Variants in RTN4 observed in about 807,000 individuals in gnomAD.
RTN4 encodes the protein reticulon 4, also known as reticulon-4.
In RTN4, 32 loss-of-function variants were observed where a neutral mutation model predicts 90.4. The observed-to-expected ratio is 0.35, with a 90% CI of 0.27 to 0.48. The LOEUF (loss-of-function observed/expected upper bound fraction) is 0.48. Among genes scored for constraint, RTN4 ranks in the 20% least tolerant of loss-of-function variants. The pLI, the probability that RTN4 is intolerant of heterozygous loss-of-function variation, is 0.99. For missense variants in RTN4, 1,706 were observed against 1,430.2 expected (o/e 1.19, Z -3.11); for synonymous variants, 629 against 552.5 (o/e 1.14, Z -1.94).
At chr2:55,035,699 T>C (rs1168658701) in intron 1 of RTN4, among the ~76,000 whole-genome samples, 1 of 151,194 alleles carries the variant, frequency 6.6e-6, no homozygotes, top group Non-Finnish European at 1.5e-5. Context: ...ACTAAAATGA[T>C]CAAGACAGAG....
intron 1 of RTN4, among the ~76,000 whole-genome samples, chr2:55,099,654 C>T (rs1261162827): frequency 6.6e-6 from 1 of 151,998 alleles, no homozygotes; most frequent in Non-Finnish European, 1.5e-5. Context: ...ATACTAGTGG[C>T]TAAAAGTGCA....
At chr2:55,068,560 A>G (rs1668433651) in intron 2 of RTN4, among the ~76,000 whole-genome samples, 1 of 151,678 alleles carries the variant, frequency 6.6e-6, no homozygotes, top group Non-Finnish European at 1.5e-5. Flanking sequence ...TTTCCTCAAA[A>G]TGACAGGTTT....
intron 3 of RTN4, among the ~76,000 whole-genome samples, chr2:55,019,733 G>T (rs1305765435): frequency 6.6e-6 from 1 of 152,104 alleles, no homozygotes; most frequent in African/African-American, 2.4e-5. Context: ...GAGCAATTGA[G>T]CAAGAGAGAA....
chr2:55,049,160 G>C (rs1233048633), intron 1 of RTN4: 33 of 986,172 alleles, frequency 3.3e-5, no homozygotes, highest in Non-Finnish European at 3.7e-5. Flanking sequence ...CAATGTGGAC[G>C]TTTTCCACTC....
chr2:55,095,654 T>C (rs752484919), intron 1 of RTN4, among the ~76,000 whole-genome samples: 1 of 152,182 alleles, frequency 6.6e-6, no homozygotes, highest in Non-Finnish European at 1.5e-5. Context: ...TCCCTGCCCC[T>C]GACTCCCCTA....
At chr2:55,006,476 G>C (rs1187566499) in intron 3 of RTN4, among the ~76,000 whole-genome samples, 2 of 152,102 alleles carry the variant, frequency 1.3e-5, no homozygotes, top group African/African-American at 2.4e-5. Context: ...TTCAAAAAAT[G>C]AAAGTAGCTT....
chr2:55,090,803 A>C (rs946658331), intron 1 of RTN4, among the ~76,000 whole-genome samples: 28 of 152,056 alleles, frequency 1.8e-4, no homozygotes, highest in African/African-American at 5.3e-4. Context: ...CACCCCCTAA[A>C]CATGCTTCTC....
intron 3 of RTN4, 87 bp downstream of exon 3, chr2:55,024,999 A>G: frequency 6.9e-7 from 1 of 1,454,172 alleles, no homozygotes; most frequent in East Asian, 2.3e-5. Flanking sequence ...GACACTATAA[A>G]CATAATATAA....
intron 1 of RTN4, among the ~76,000 whole-genome samples, chr2:55,090,131 A>C (rs1160011336): frequency 2.6e-5 from 4 of 152,036 alleles, no homozygotes; most frequent in Non-Finnish European, 1.5e-5. Flanking sequence ...TTTGAGTAGG[A>C]TGGGGCTGTT....
chr2:54,984,793 T>TA (rs1463517866), intron 4 of RTN4, among the ~76,000 whole-genome samples: 3 of 152,158 alleles, frequency 2.0e-5, no homozygotes, highest in Non-Finnish European at 2.9e-5. Flanking sequence ...ATAATGACTA[T>TA]AAAAGGACTT....
the RTN4 span, among the ~76,000 whole-genome samples, chr2:55,132,988 G>T: frequency 6.6e-6 from 1 of 151,884 alleles, no homozygotes; most frequent in African/African-American, 2.4e-5. Flanking sequence ...GAGGCAGGTG[G>T]ATCACTTGAA....
chr2:55,082,082 C>A (rs1388356412), intron 1 of RTN4, among the ~76,000 whole-genome samples: 1 of 152,050 alleles, frequency 6.6e-6, no homozygotes, highest in Admixed American at 6.6e-5. Context: ...CAACCCTTGA[C>A]ATAGTCAAGA....
At chr2:55,064,677 G>T (rs886331677) in intron 2 of RTN4, among the ~76,000 whole-genome samples, 1 of 152,092 alleles carries the variant, frequency 6.6e-6, no homozygotes, top group Non-Finnish European at 1.5e-5. Flanking sequence ...AATCATTAAA[G>T]AATATGTTGG....
In RTN4 at chr2:55,026,611, T is replaced by C; in HGVS notation, c.1488A>G (p.Lys496=). The C allele has an allele frequency of 6.2e-7, 1 of 1,612,098 alleles. No individual in the cohort carries two copies. The highest frequency in any genetic ancestry group is 8.5e-7 in the Non-Finnish European group (1 of 1,179,738). The change falls in exon 3 of 9, where the codon AAA becomes AAG. Residue 496 remains lysine, a synonymous_variant. Transcript: ENST00000337526. Reference sequence around the variant, plus strand: ...CTATTTGGGCCTTCTTTTCTTCTATTTTTTTTTCATCGGTCTTATTTTCTG... The same window carrying C: ...CTATTTGGGCCTTCTTTTCTTCTATCTTTTTTTCATCGGTCTTATTTTCTG... The part of the protein sequence containing the change: ...PTSENKTDEK[K]IEEKKAQIVT...
Position 55,026,532 on chromosome 2 carries a change from G to GTGC in RTN4, c.1564_1566dup (p.Ala522dup). 2 of 1,613,788 alleles carry GTGC rather than the reference G, an allele frequency of 1.2e-6. No individual in the cohort carries two copies. The highest frequency in any genetic ancestry group is 4.5e-5 in the East Asian group (2 of 44,876). On this transcript the variant is annotated inframe_insertion, in exon 3 of 9. Coordinates refer to ENST00000337526, the MANE Select transcript of RTN4 (RefSeq NM_020532.5). ...GTGACATAATCTGTCTCAGAATCCT[G>GTGC]TGCTGCTACAAGAAAAGGGTTTGAT...
rs768554129 is a variant in RTN4 at position 55,028,171 on chromosome 2, G to T, written c.606C>A (p.Ser202=). The part of the protein sequence containing the change: ...LPAASEPVIR[S]SAENMDLKEQ... Reference sequence around the variant, plus strand: ...CTGGCAGAAAGAACTTGCCTGCAGAGGAGCGTATCACAGGCTCAGATGCAG... The same window carrying T: ...CTGGCAGAAAGAACTTGCCTGCAGATGAGCGTATCACAGGCTCAGATGCAG... The change falls in exon 2 of 9, where the codon TCC becomes TCA. Residue 202 remains serine, a synonymous_variant. Coordinates refer to ENST00000337526, the MANE Select transcript of RTN4 (RefSeq NM_020532.5). The T allele has an allele frequency of 6.8e-6, 11 of 1,612,600 alleles. No individual in the cohort carries two copies.
At chr2:55,085,584 C>T (rs1668822279) in intron 1 of RTN4, among the ~76,000 whole-genome samples, 1 of 152,156 alleles carries the variant, frequency 6.6e-6, no homozygotes, top group South Asian at 2.1e-4. Context: ...AATTTAGATG[C>T]TAATCTCATC....
chr2:55,092,058 C>T (rs1380616144), intron 1 of RTN4, among the ~76,000 whole-genome samples: 1 of 151,990 alleles, frequency 6.6e-6, no homozygotes, highest in East Asian at 1.9e-4. Context: ...GGCTTGGTGG[C>T]ACATGCCTGT....
rs202245854 is a variant in RTN4, at chr2:54,973,169, C to T, written c.3566G>A (p.Arg1189His). The change falls in exon 9 of 9, where the codon CGC becomes CAC. Residue 1189 changes from arginine to histidine, a missense_variant. By Grantham distance (29) the Arg-to-His change is conservative. Coordinates refer to ENST00000337526, the MANE Select transcript of RTN4 (RefSeq NM_020532.5). ...TTTTGGGCGTTTTCATTCAGCTTTG[C>T]GCTTCAATCCAGGGATTTTTGCTTG... The part of the protein sequence containing the change: ...KIQAKIPGLK[R>H]KAE 2.9e-4 allele frequency: 471 copies of T among 1,603,656 alleles called. 1 individual carries two copies. Among genetic ancestry groups the T allele is most frequent in the South Asian group, 5.7e-4 (51 of 90,230 alleles).
Sources: allele counts gnomAD v4.1 joint callset (sites outside exome capture counted in the v4.1 genomes callset), GRCh38; gene constraint gnomAD v4.1.1; transcripts MANE v1.5; gene names NCBI Gene and HGNC (gene_info 2026-07-23, HGNC 2026-07-21).